COL12A1: variants seen among roughly 807,000 people sequenced by gnomAD.
COL12A1 encodes collagen alpha-1(XII) chain.
Under a neutral mutation model 349.7 loss-of-function variants are expected in COL12A1, and 114 were observed. The observed-to-expected ratio is 0.33, with a 90% CI of 0.28 to 0.38. The LOEUF is 0.38. Ranked by LOEUF, COL12A1 falls within the 10% of genes least tolerant of loss-of-function variation. COL12A1 has a pLI of 1.00. For missense variants in COL12A1, 3,284 were observed against 3,756.9 expected (o/e 0.87, Z 3.29); for synonymous variants, 1,369 against 1,329.0 (o/e 1.03, Z -0.66).
At chr6:75,146,959 CCTT>C (rs1767225259) in intron 23 of COL12A1, among the ~76,000 whole-genome samples, 1 of 152,210 alleles carries the variant, frequency 6.6e-6, no homozygotes, top group South Asian at 2.1e-4. Context: ...GATGCGCACT[CCTT>C]CTTCTTAAAA....
chr6:75,175,014 T>G (rs1562276758), intron 13 of COL12A1, 24 bp downstream of exon 13: 13 of 1,610,662 alleles, frequency 8.1e-6, no homozygotes, highest in Non-Finnish European at 8.5e-6. Context: ...TTCCTGGATT[T>G]TCAGAAAATA....
intron 2 of COL12A1, among the ~76,000 whole-genome samples, chr6:75,196,216 G>T (rs1458107258): frequency 6.6e-6 from 1 of 152,098 alleles, no homozygotes; most frequent in Non-Finnish European, 1.5e-5. Flanking sequence ...AAATTAAGAT[G>T]ACTTTCAGCC....
At chr6:75,151,062 TC>T (rs1024032449) in intron 21 of COL12A1, 78 bp downstream of exon 21, 3 of 153,594 alleles carry the variant, frequency 2.0e-5, no homozygotes, top group Non-Finnish European at 1.4e-5. Flanking sequence ...AATAGTGCCC[TC>T]CCCCCCACCC....
At chr6:75,125,105 C>T (rs1403957900) in intron 40 of COL12A1, 22 bp downstream of exon 40, 9 of 1,557,178 alleles carry the variant, frequency 5.8e-6, no homozygotes, top group Non-Finnish European at 6.9e-6. Context: ...TTCTCACAAC[C>T]ATGAAAATAT....
intron 2 of COL12A1, among the ~76,000 whole-genome samples, chr6:75,198,889 T>C (rs1370378625): frequency 6.6e-6 from 1 of 152,220 alleles, no homozygotes; most frequent in East Asian, 1.9e-4. Flanking sequence ...CTGGAAAGGA[T>C]ACTACCTTAA....
At position 75,131,936 on chromosome 6, in the gene COL12A1, T is replaced by C; in HGVS notation, c.5937+4A>G. 1 of 1,613,240 alleles carries C rather than the reference T, an allele frequency of 6.2e-7. No individual in the cohort carries two copies. The highest frequency in any genetic ancestry group is 1.3e-5 in the African/African-American group (1 of 75,034). On this transcript the variant is annotated splice_donor_region_variant and intron_variant, in intron 35 of 65. Transcript: ENST00000322507. ...AATGCAGTTTCCATGACAAAATTACTTACAGATTCTGAGGGTCTTGTGCCA... is the reference window on the plus strand; with the variant it reads ...AATGCAGTTTCCATGACAAAATTACCTACAGATTCTGAGGGTCTTGTGCCA...
chr6:75,119,516 T>C (rs557561853), intron 44 of COL12A1, 43 bp from the exon 45 acceptor site: 2 of 1,559,944 alleles, frequency 1.3e-6, no homozygotes, highest in African/African-American at 1.4e-5. Flanking sequence ...AGTCATCTCA[T>C]TTTATGTTTC....
chr6:75,166,645 A>T (rs951796592), intron 13 of COL12A1, among the ~76,000 whole-genome samples: 9 of 152,194 alleles, frequency 5.9e-5, no homozygotes, highest in Non-Finnish European at 1.3e-4. Flanking sequence ...TTTATGCCAC[A>T]GTATGACATA....
chr6:75,147,284 T>C (rs1767247460), intron 23 of COL12A1, among the ~76,000 whole-genome samples: 1 of 152,232 alleles, frequency 6.6e-6, no homozygotes, highest in African/African-American at 2.4e-5. Context: ...CCTGATGTGC[T>C]TTATTCCTCA....
At chr6:75,100,203 T>A (rs1461208470) in intron 58 of COL12A1, among the ~76,000 whole-genome samples, 1 of 152,138 alleles carries the variant, frequency 6.6e-6, no homozygotes, top group African/African-American at 2.4e-5. Flanking sequence ...GTCCCTTACT[T>A]TTCAGGGATG....
intron 13 of COL12A1, among the ~76,000 whole-genome samples, chr6:75,171,941 G>C (rs997993071): frequency 1.4e-4 from 22 of 152,294 alleles, no homozygotes; most frequent in African/African-American, 4.8e-4. Context: ...CTGCAGTAAA[G>C]CACTTTAGCA....
At chr6:75,180,504 G>A (rs1769204317) in intron 11 of COL12A1, among the ~76,000 whole-genome samples, 1 of 151,540 alleles carries the variant, frequency 6.6e-6, no homozygotes, top group African/African-American at 2.4e-5. Flanking sequence ...TGGTAAATAT[G>A]TATATTTTAC....
chr6:75,170,970 A>G (rs1269580539), intron 13 of COL12A1, among the ~76,000 whole-genome samples: 2 of 152,250 alleles, frequency 1.3e-5, no homozygotes, highest in Non-Finnish European at 2.9e-5. Context: ...CATATTTTCC[A>G]TAGCCAAAAA....
Position 75,125,218 on chromosome 6 carries a change from G to A in COL12A1, c.6516C>T (p.His2172=), listed in dbSNP as rs1339870190. The stretch of plus-strand genomic sequence containing the variant: ...CGTAGGTGGTGCTGGGATTGAGATT[G>A]TGTAAGGTATATGATGTCATTTCTC... The part of the protein sequence containing the change: ...FVGEMTSYTL[H]NLNPSTTYDV... Residue 2172 remains histidine, a synonymous_variant, in exon 40 of 66, where the codon CAC becomes CAT. Coordinates refer to ENST00000322507, the MANE Select transcript of COL12A1 (RefSeq NM_004370.6). 1 of 1,612,166 alleles carries A rather than the reference G, an allele frequency of 6.2e-7. No individual in the cohort carries two copies. Among genetic ancestry groups the A allele is most frequent in the Admixed American group, 1.7e-5 (1 of 59,886 alleles).
Position 75,090,088 on chromosome 6 carries a change from T to A in COL12A1, c.8941+22A>T, listed in dbSNP as rs375197489. 7 of 1,611,522 alleles carry A rather than the reference T, an allele frequency of 4.3e-6. No individual in the cohort carries two copies. Among genetic ancestry groups the A allele is most frequent in the Middle Eastern group, 2.1e-4 (1 of 4,780 alleles). On this transcript the variant is annotated intron_variant, in intron 63 of 65. Coordinates refer to ENST00000322507, the MANE Select transcript of COL12A1 (RefSeq NM_004370.6). The surrounding 1 kb of genome is among the most constrained non-coding windows in gnomAD (Gnocchi z 4.1). Reference sequence around the variant, plus strand: ...TTGCAAATTCCTTCCTTTATCCCAATACAGAAGCCAGAAATGCCTACCTCG... The same window carrying A: ...TTGCAAATTCCTTCCTTTATCCCAAAACAGAAGCCAGAAATGCCTACCTCG...
rs118178912 is a variant in COL12A1, at chr6:75,166,796, G to A, written c.2711-1017C>T. On this transcript the variant is annotated intron_variant, in intron 13 of 65. Coordinates refer to ENST00000322507, the MANE Select transcript of COL12A1 (RefSeq NM_004370.6). Reference sequence around the variant, plus strand: ...AAGAGTTAAAATGAATATCTTAAACGCAGTCATAATTTAACAATTATATTT... The same window carrying A: ...AAGAGTTAAAATGAATATCTTAAACACAGTCATAATTTAACAATTATATTT... Among the ~76,000 whole-genome samples, 901 of 152,058 alleles carry A rather than the reference G, an allele frequency of 5.9e-3. 3 individuals carry two copies. Among genetic ancestry groups the A allele is most frequent in the Non-Finnish European group, 9.3e-3 (634 of 67,946 alleles).
chr6:75,123,863 G>T, intron 42 of COL12A1, 85 bp downstream of exon 42: 1 of 1,393,040 alleles, frequency 7.2e-7, no homozygotes, highest in Non-Finnish European at 9.7e-7. Flanking sequence ...AGAGGTACCT[G>T]CACAGGATTC....
intron 58 of COL12A1, 23 bp downstream of exon 58, chr6:75,101,577 G>A: frequency 6.2e-7 from 1 of 1,608,388 alleles, no homozygotes. Flanking sequence ...CAACATCATT[G>A]TAGCCTGCTC....
chr6:75,193,011 C>G (rs565257431), intron 3 of COL12A1, among the ~76,000 whole-genome samples: 1 of 152,224 alleles, frequency 6.6e-6, no homozygotes, highest in South Asian at 2.1e-4. Context: ...ATCAGGAAAC[C>G]TGGTGGTTCC....
Sources: allele counts gnomAD v4.1 joint callset (sites outside exome capture counted in the v4.1 genomes callset), GRCh38; gene constraint gnomAD v4.1.1; non-coding constraint Gnocchi (gnomAD v3.1); transcripts MANE v1.5; gene names NCBI Gene and HGNC (gene_info 2026-07-23, HGNC 2026-07-21).